The following GPR149 variants were observed in gnomAD, a reference collection of about 807,000 sequenced individuals.
The protein encoded by GPR149 is probable G protein-coupled receptor 149.
Under a neutral mutation model 50.2 loss-of-function variants are expected in GPR149, and 50 were observed. The ratio of observed to expected loss-of-function variants is 1.00; its 90% CI spans 0.79 to 1.26. The LOEUF (loss-of-function observed/expected upper bound fraction) is 1.26. Ranked by LOEUF, GPR149 falls within the 50% of genes most tolerant of loss-of-function variation. GPR149 has a pLI of 0.00. For synonymous variants in GPR149, 405 were observed against 358.2 expected, an observed-to-expected ratio of 1.13 and a Z score of -1.48; for missense variants, 983 against 895.4, an observed-to-expected ratio of 1.10 and a Z score of -1.25.
At chr3:154,367,114 T>G (rs912314893) in intron 3 of GPR149, among the ~76,000 whole-genome samples, 5 of 151,782 alleles carry the variant, frequency 3.3e-5, no homozygotes, top group Non-Finnish European at 7.4e-5. Flanking sequence ...TGAGAGGAGG[T>G]TCCAGCTGAG....
chr3:154,380,410 G>A (rs1392658566), intron 3 of GPR149, among the ~76,000 whole-genome samples: 2 of 152,132 alleles, frequency 1.3e-5, no homozygotes, highest in Non-Finnish European at 2.9e-5. Flanking sequence ...AATCCCCACT[G>A]TTGTCCCAGT....
intron 3 of GPR149, among the ~76,000 whole-genome samples, chr3:154,406,873 C>T (rs902603913): frequency 6.6e-6 from 1 of 152,138 alleles, no homozygotes; most frequent in Non-Finnish European, 1.5e-5. Flanking sequence ...AAAGACATAC[C>T]TGAGACTGGG....
chr3:154,354,591 C>T (rs951042892), intron 3 of GPR149: 13 of 180,022 alleles, frequency 7.2e-5, no homozygotes, highest in African/African-American at 9.6e-5. Flanking sequence ...GGAGGGCAGG[C>T]GGGTGGGAGG....
chr3:154,362,370 A>G (rs1398250021), intron 3 of GPR149, among the ~76,000 whole-genome samples: 2 of 152,118 alleles, frequency 1.3e-5, no homozygotes, highest in Admixed American at 6.5e-5. Context: ...TGTCACCCCA[A>G]AAAAGACATG....
intron 3 of GPR149, among the ~76,000 whole-genome samples, chr3:154,360,227 A>G (rs1189615379): frequency 2.0e-5 from 3 of 152,212 alleles, no homozygotes; most frequent in African/African-American, 7.2e-5. Context: ...TCTTACAAAC[A>G]GTTTCAGGGG....
intron 3 of GPR149, chr3:154,352,260 G>A (rs1219767815): frequency 1.2e-6 from 1 of 848,074 alleles, no homozygotes; most frequent in Non-Finnish European, 1.9e-6. Flanking sequence ...TAGGCCACCA[G>A]ATGGACCACC....
intron 3 of GPR149, among the ~76,000 whole-genome samples, chr3:154,406,706 A>G (rs576422166): frequency 6.6e-6 from 1 of 152,216 alleles, no homozygotes; most frequent in Non-Finnish European, 1.5e-5. Context: ...AATTTTGCAA[A>G]AAGAAATACA....
At chr3:154,413,323 A>T (rs75040222) in intron 3 of GPR149, among the ~76,000 whole-genome samples, 7 of 151,958 alleles carry the variant, frequency 4.6e-5, no homozygotes, top group African/African-American at 1.7e-4. Flanking sequence ...AAGCTAAAAA[A>T]CTTCTGCACA....
intron 3 of GPR149, among the ~76,000 whole-genome samples, chr3:154,399,972 T>C (rs1381722616): frequency 6.6e-6 from 1 of 152,136 alleles, no homozygotes; most frequent in Non-Finnish European, 1.5e-5. Flanking sequence ...TGTCAATAAT[T>C]GTATTTGAAA....
At chr3:154,390,816 A>G (rs1021798605) in intron 3 of GPR149, among the ~76,000 whole-genome samples, 2 of 152,138 alleles carry the variant, frequency 1.3e-5, no homozygotes, top group African/African-American at 2.4e-5. Context: ...GAAAGCAGCA[A>G]GAGAAAAGTG....
intron 3 of GPR149, among the ~76,000 whole-genome samples, chr3:154,408,792 A>G (rs975192776): frequency 4.6e-5 from 7 of 152,172 alleles, no homozygotes; most frequent in Admixed American, 4.6e-4. Context: ...TGGGAGCTCT[A>G]TGGCCCTGCT....
At chr3:154,409,516 T>C (rs1576925967) in intron 3 of GPR149, among the ~76,000 whole-genome samples, 2 of 151,912 alleles carry the variant, frequency 1.3e-5, no homozygotes, top group Admixed American at 1.3e-4. Context: ...TTCAGTGAAA[T>C]AGAAAGCATA....
intron 3 of GPR149, among the ~76,000 whole-genome samples, chr3:154,409,153 G>A (rs1226715390): frequency 1.3e-5 from 2 of 152,184 alleles, no homozygotes; most frequent in Admixed American, 6.5e-5. Flanking sequence ...TTGGCCTCTG[G>A]AAGCCCCATT....
chr3:154,414,789 C>A (rs1052318516), intron 3 of GPR149, among the ~76,000 whole-genome samples: 4 of 151,614 alleles, frequency 2.6e-5, no homozygotes, highest in Non-Finnish European at 5.9e-5. Flanking sequence ...AAATAAAAAA[C>A]AAAATTGGCC....
chr3:154,400,542 T>C (rs866165959), intron 3 of GPR149, among the ~76,000 whole-genome samples: 10 of 152,138 alleles, frequency 6.6e-5, no homozygotes, highest in African/African-American at 2.4e-4. Flanking sequence ...TTTAAGATAA[T>C]TTCTCTAGAC....
chr3:154,353,914 G>A (rs569468134), intron 3 of GPR149: 1 of 534,304 alleles, frequency 1.9e-6, no homozygotes, highest in East Asian at 3.9e-5. Context: ...TACGGAAATA[G>A]GAGAAAGCTC....
At chr3:154,369,212 C>A (rs1714606006) in intron 3 of GPR149, among the ~76,000 whole-genome samples, 1 of 152,128 alleles carries the variant, frequency 6.6e-6, no homozygotes, top group Admixed American at 6.5e-5. Flanking sequence ...TAAGATGGGA[C>A]AAATTCGACC....
rs78187549 is a variant in GPR149, at chr3:154,352,423, T to C, written c.1624-14152A>G. 4.1e-3 allele frequency: 3,724 copies of C among 899,536 alleles called. 83 individuals are homozygous for C. In the African/African-American group the frequency reaches 0.052, roughly 12 times the overall value. The allele number at this position is 899,536 out of a possible 1,614,324, so 55.7% of individuals were successfully genotyped here. A position where few individuals can be genotyped will look rare whatever the true frequency, so the allele number is the denominator to read the frequency against. ...GAATCGTGCCACACTGCCTGTAACCTTTCTGATTCAGTTGTAGGAACATCA... is the reference window on the plus strand; with the variant it reads ...GAATCGTGCCACACTGCCTGTAACCCTTCTGATTCAGTTGTAGGAACATCA... On this transcript the variant is annotated intron_variant, in intron 3 of 3. Transcript: ENST00000389740.
At chr3:154,348,033 A>G (rs1184918432) in intron 3 of GPR149, among the ~76,000 whole-genome samples, 1 of 152,210 alleles carries the variant, frequency 6.6e-6, no homozygotes, top group Admixed American at 6.5e-5. Flanking sequence ...CTTGCAAAAT[A>G]TAAAGATTAA....
Sources: allele counts gnomAD v4.1 joint callset (sites outside exome capture counted in the v4.1 genomes callset), GRCh38; gene constraint gnomAD v4.1.1; transcripts MANE v1.5; gene names NCBI Gene and HGNC (gene_info 2026-07-23, HGNC 2026-07-21).